The following ZC3HC1 variants were observed in gnomAD, a reference collection of about 807,000 sequenced individuals.
The protein encoded by ZC3HC1 is zinc finger C3HC-type protein 1.
ZC3HC1 carries 38 observed loss-of-function variants against 61.9 expected under a neutral mutation model. The observed-to-expected ratio is 0.61, with a 90% CI of 0.47 to 0.81. The LOEUF (loss-of-function observed/expected upper bound fraction) is 0.81. Ranked by LOEUF, ZC3HC1 falls within the 30% of genes least tolerant of loss-of-function variation. ZC3HC1 has a pLI of 0.00. For missense variants in ZC3HC1, 554 were observed against 622.7 expected (o/e 0.89, Z 1.17); for synonymous variants, 213 against 229.9 (o/e 0.93, Z 0.67).
At chr7:130,041,169 T>C in intron 2 of ZC3HC1, 68 bp from the exon 3 acceptor site, 1 of 1,522,058 alleles carries the variant, frequency 6.6e-7, no homozygotes, top group Non-Finnish European at 8.8e-7. Flanking sequence ...TGTGTGTGTG[T>C]GTGTGTGTAT....
chr7:130,037,337 G>A (rs1794469108), intron 4 of ZC3HC1, among the ~76,000 whole-genome samples: 1 of 152,104 alleles, frequency 6.6e-6, no homozygotes, highest in Non-Finnish European at 1.5e-5. Flanking sequence ...CCAGCTACTC[G>A]GGAGGCTGAG....
chr7:130,047,884 G>A (rs1794927531), intron 2 of ZC3HC1, among the ~76,000 whole-genome samples: 1 of 152,132 alleles, frequency 6.6e-6, no homozygotes, highest in South Asian at 2.1e-4. Flanking sequence ...AAAATGATGA[G>A]ATGTCACTTT....
At chr7:130,024,797 A>G (rs1419224813) in intron 6 of ZC3HC1, among the ~76,000 whole-genome samples, 1 of 148,712 alleles carries the variant, frequency 6.7e-6, no homozygotes, top group Non-Finnish European at 1.5e-5. Flanking sequence ...TAATCCCAGC[A>G]CTTTGGGAGG....
At chr7:130,021,276 A>G (rs751647129) in intron 9 of ZC3HC1, among the ~76,000 whole-genome samples, 6 of 152,142 alleles carry the variant, frequency 3.9e-5, no homozygotes, top group Non-Finnish European at 5.9e-5. Flanking sequence ...AAAACCATGA[A>G]TCTAGGAGTG....
intron 4 of ZC3HC1, 118 bp downstream of exon 4, chr7:130,039,346 A>G: frequency 1.3e-6 from 1 of 796,672 alleles, no homozygotes; most frequent in South Asian, 2.1e-5. Context: ...CTCCATCTCA[A>G]AAAAAAAAAA....
intron 6 of ZC3HC1, among the ~76,000 whole-genome samples, chr7:130,025,216 C>T (rs566495592): frequency 1.4e-3 from 206 of 151,200 alleles, no homozygotes; most frequent in Non-Finnish European, 2.0e-3. Context: ...CCTCTCTTGT[C>T]CCTCTTAAAG....
chr7:130,048,957 A>C, intron 2 of ZC3HC1, 76 bp downstream of exon 2: 1 of 1,086,058 alleles, frequency 9.2e-7, no homozygotes, highest in Non-Finnish European at 1.3e-6. Context: ...AAAGCATCAC[A>C]GTAAGTGGTG....
chr7:130,025,209 C>T (rs1004740500), intron 6 of ZC3HC1, among the ~76,000 whole-genome samples: 2 of 151,354 alleles, frequency 1.3e-5, no homozygotes, highest in African/African-American at 4.8e-5. Flanking sequence ...TACCCACCCT[C>T]TCTTGTCCCT....
Position 130,050,643 on chromosome 7 carries a change from T to C in ZC3HC1, c.146+578A>G, listed in dbSNP as rs1026822716. On this transcript the variant is annotated intron_variant, in intron 1 of 9. Transcript: ENST00000358303. ...GCAGTACCTGCTAATTTGTCACCAA[T>C]GGAAATAATGTTCCCACATTATGGT... Among the ~76,000 whole-genome samples, 8 of 152,240 alleles carry C rather than the reference T, an allele frequency of 5.3e-5. No individual in the cohort carries two copies. The East Asian group carries it at 1.3e-3, about 26-fold the overall frequency.
upstream of ZC3HC1, chr7:130,051,438 C>A: frequency 6.3e-7 from 1 of 1,598,388 alleles, no homozygotes; most frequent in South Asian, 1.1e-5. Flanking sequence ...AGGTTAATAT[C>A]CGCCTCTTGA....
intron 1 of ZC3HC1, among the ~76,000 whole-genome samples, 193 bp from the exon 2 acceptor site, chr7:130,049,337 A>T (rs1242745415): frequency 6.6e-6 from 1 of 152,168 alleles, no homozygotes; most frequent in Non-Finnish European, 1.5e-5. Context: ...AATAAAATCC[A>T]AATTTTTCAG....
At chr7:130,026,447 G>T in intron 5 of ZC3HC1, 135 bp from the exon 6 acceptor site, 1 of 886,534 alleles carries the variant, frequency 1.1e-6, no homozygotes, top group Non-Finnish European at 1.7e-6. Context: ...TCTTCACAGA[G>T]AACAAAATAC....
At chr7:130,020,821 G>T (rs1793610231) in intron 9 of ZC3HC1, among the ~76,000 whole-genome samples, 1 of 152,140 alleles carries the variant, frequency 6.6e-6, no homozygotes, top group Admixed American at 6.6e-5. Flanking sequence ...GAAGATCTAG[G>T]CAGAGAAATG....
At chr7:130,048,331 GTTTTA>G (rs974566994) in intron 2 of ZC3HC1, among the ~76,000 whole-genome samples, 10 of 151,656 alleles carry the variant, frequency 6.6e-5, no homozygotes, top group African/African-American at 9.7e-5. Context: ...GTTTTGTTTT[GTTTTA>G]TTTTATTTTA....
chr7:130,023,774 G>T lies in ZC3HC1; in HGVS notation c.1021-51C>A. ...GTACACGAATGATATTAATGATTAT[G>T]GTCAGAAATACTTCTTTCTTTAATC... On this transcript the variant is annotated intron_variant, in intron 7 of 9. Transcript: ENST00000358303. This position sits in a 1 kb window ranked among gnomAD's most constrained non-coding sequence, Gnocchi z 4.2. The T allele has an allele frequency of 7.1e-7, 1 of 1,401,940 alleles. No homozygotes were observed. The highest frequency in any genetic ancestry group is 1.3e-5 in the South Asian group (1 of 79,318). 86.8% of individuals were successfully genotyped at this position (1,401,940 alleles called of 1,614,324 possible).
intron 2 of ZC3HC1, among the ~76,000 whole-genome samples, chr7:130,048,046 G>C (rs1315387959): frequency 6.6e-6 from 1 of 151,648 alleles, no homozygotes; most frequent in Non-Finnish European, 1.5e-5. Flanking sequence ...CCAATGGCCA[G>C]TATAGAACTG....
chr7:130,039,226 C>G (rs1320210326), intron 4 of ZC3HC1: 1 of 501,292 alleles, frequency 2.0e-6, no homozygotes, highest in East Asian at 3.5e-5. Context: ...CGCCTGTAAT[C>G]CTAGCAACTC....
Position 130,023,799 on chromosome 7 carries a change from C to G in ZC3HC1, c.1021-76G>C. ...GGTCAGAAATACTTCTTTCTTTAATCTTTTTTCTTTTTTTTTTTGAGACAG... is the reference window on the plus strand; with the variant it reads ...GGTCAGAAATACTTCTTTCTTTAATGTTTTTTCTTTTTTTTTTTGAGACAG... On this transcript the variant is annotated intron_variant, in intron 7 of 9. Transcript: ENST00000358303. This position sits in a 1 kb window ranked among gnomAD's most constrained non-coding sequence, Gnocchi z 4.2. 1 of 1,246,368 alleles carries G rather than the reference C, an allele frequency of 8.0e-7. No homozygotes were observed. Among genetic ancestry groups the G allele is most frequent in the Non-Finnish European group, 1.1e-6 (1 of 905,186 alleles). The allele number at this position is 1,246,368 out of a possible 1,614,324, so 77.2% of individuals were successfully genotyped here. A position where few individuals can be genotyped will look rare whatever the true frequency, so the allele number is the denominator to read the frequency against.
chr7:130,024,279 G>A lies in ZC3HC1; in HGVS notation c.1004C>T (p.Ser335Phe). ...AGTGAATACCTGCTCTGAGCCTGGG[G>A]AGAAAGTGGCATCCTGGCTCCGGGT... Reference protein sequence around the residue: ...MMTRSQDATFSPGSEQAEKSP... With the variant: ...MMTRSQDATFFPGSEQAEKSP... The change falls in exon 7 of 10, where the codon TCC becomes TTC. Residue 335 changes from serine to phenylalanine, a missense_variant. By Grantham distance (155) the Ser-to-Phe change is radical. Coordinates refer to ENST00000358303, the MANE Select transcript of ZC3HC1 (RefSeq NM_016478.5). 4 of 1,610,782 alleles carry A rather than the reference G, an allele frequency of 2.5e-6. No homozygotes were observed. Among genetic ancestry groups the A allele is most frequent in the Non-Finnish European group, 3.4e-6 (4 of 1,177,834 alleles).
Sources: allele counts gnomAD v4.1 joint callset (sites outside exome capture counted in the v4.1 genomes callset), GRCh38; gene constraint gnomAD v4.1.1; non-coding constraint Gnocchi (gnomAD v3.1); transcripts MANE v1.5; gene names NCBI Gene and HGNC (gene_info 2026-07-23, HGNC 2026-07-21).